GLIS3: variants seen among roughly 807,000 people sequenced by gnomAD.
The protein encoded by GLIS3 is GLIS family zinc finger 3.
Under a neutral mutation model 78.6 loss-of-function variants are expected in GLIS3, and 53 were observed. That is an observed-to-expected ratio of 0.67 (90% CI 0.54 to 0.85). GLIS3 has a LOEUF of 0.85. Among genes scored for constraint, GLIS3 ranks in the 40% least tolerant of loss-of-function variants. The pLI is 0.00. For missense variants in GLIS3, 1,703 were observed against 1,231.1 expected (o/e 1.38, Z -5.74); for synonymous variants, 684 against 509.9 (o/e 1.34, Z -4.60).
chr9:4,224,903 T>C (rs1821638881), intron 2 of GLIS3, among the ~76,000 whole-genome samples: 1 of 152,054 alleles, frequency 6.6e-6, no homozygotes, highest in South Asian at 2.1e-4. Flanking sequence ...GTATACATAA[T>C]TCTATGCCAA....
chr9:3,930,788 CA>C (rs989897002), intron 6 of GLIS3, among the ~76,000 whole-genome samples: 2 of 151,990 alleles, frequency 1.3e-5, no homozygotes, highest in African/African-American at 4.8e-5. Flanking sequence ...AACTTGGAGG[CA>C]AAAAATGATT....
intron 4 of GLIS3, among the ~76,000 whole-genome samples, chr9:4,106,272 C>T (rs1336334442): frequency 6.6e-6 from 1 of 152,162 alleles, no homozygotes; most frequent in African/African-American, 2.4e-5. Flanking sequence ...ACAAAAGCAG[C>T]TTTGTTTCTG....
the GLIS3 span, among the ~76,000 whole-genome samples, chr9:4,459,755 GC>G: frequency 6.6e-6 from 1 of 152,118 alleles, no homozygotes; most frequent in African/African-American, 2.4e-5. Context: ...GCTGCAGTCA[GC>G]CATGTTCACA....
At chr9:4,335,410 A>G (rs550040300) in intron 2 of GLIS3, among the ~76,000 whole-genome samples, 20 of 152,334 alleles carry the variant, frequency 1.3e-4, no homozygotes, top group African/African-American at 4.6e-4. Context: ...TTGCTCGTAA[A>G]CTTGCCAGAT....
At chr9:4,134,096 A>T (rs945717765) in intron 2 of GLIS3, among the ~76,000 whole-genome samples, 4 of 152,108 alleles carry the variant, frequency 2.6e-5, no homozygotes, top group African/African-American at 9.7e-5. Context: ...ACTGAAAGGA[A>T]TTTTTTTTAA....
intron 4 of GLIS3, among the ~76,000 whole-genome samples, chr9:4,058,423 C>A (rs930856931): frequency 2.0e-5 from 3 of 151,206 alleles, no homozygotes; most frequent in Non-Finnish European, 2.9e-5. Flanking sequence ...TTCCAGACTC[C>A]CGAGACATAT....
At chr9:3,866,419 C>T (rs774979676) in intron 8 of GLIS3, among the ~76,000 whole-genome samples, 13 of 152,130 alleles carry the variant, frequency 8.5e-5, no homozygotes, top group Non-Finnish European at 1.6e-4. Context: ...CGAGATCACG[C>T]CACTGCACTC....
intron 7 of GLIS3, among the ~76,000 whole-genome samples, chr9:3,879,985 G>A (rs1821619262): frequency 6.6e-6 from 1 of 152,120 alleles, no homozygotes; most frequent in African/African-American, 2.4e-5. Flanking sequence ...TGACTGAGAA[G>A]GGCACAGCAC....
upstream of GLIS3, among the ~76,000 whole-genome samples, chr9:4,300,530 G>C (rs968538158): frequency 6.6e-6 from 1 of 152,100 alleles, no homozygotes; most frequent in South Asian, 2.1e-4. Context: ...GAAGCACTAA[G>C]GAAGGCTTTG....
At chr9:3,858,082 G>T (rs10814701) in intron 8 of GLIS3, among the ~76,000 whole-genome samples, 2 of 151,926 alleles carry the variant, frequency 1.3e-5, no homozygotes, top group Non-Finnish European at 2.9e-5. Flanking sequence ...GTCATTGCTG[G>T]TGTCCCAGTT....
At chr9:4,427,923 C>T in the GLIS3 span, among the ~76,000 whole-genome samples, 1 of 151,604 alleles carries the variant, frequency 6.6e-6, no homozygotes, top group East Asian at 1.9e-4. Flanking sequence ...TACTAGACTG[C>T]TTCTGACCAC....
intron 2 of GLIS3, among the ~76,000 whole-genome samples, chr9:4,210,954 C>G (rs1563762208): frequency 6.6e-6 from 1 of 152,242 alleles, no homozygotes; most frequent in Non-Finnish European, 1.5e-5. Flanking sequence ...GGGCCATCCT[C>G]TGCGCAGAGT....
the GLIS3 span, among the ~76,000 whole-genome samples, chr9:4,481,738 C>G: frequency 3.9e-5 from 6 of 152,076 alleles, no homozygotes; most frequent in Admixed American, 3.9e-4. Context: ...TTGTGCACAT[C>G]TTTGGGTATT....
chr9:4,329,115 A>C (rs1817646077), intron 2 of GLIS3, among the ~76,000 whole-genome samples: 1 of 152,090 alleles, frequency 6.6e-6, no homozygotes, highest in Non-Finnish European at 1.5e-5. Flanking sequence ...CCACCAATAT[A>C]CTGCCGACTT....
intron 2 of GLIS3, among the ~76,000 whole-genome samples, chr9:4,143,590 A>AC (rs1833980809): frequency 1.3e-5 from 2 of 151,698 alleles, no homozygotes; most frequent in African/African-American, 4.8e-5. Flanking sequence ...AACAAAAAAA[A>AC]ACTACTCTCT....
At chr9:4,306,518 T>G (rs376160505) in intron 4 of GLIS3, among the ~76,000 whole-genome samples, 1 of 152,216 alleles carries the variant, frequency 6.6e-6, no homozygotes, top group Non-Finnish European at 1.5e-5. Context: ...CAGTTACTGG[T>G]TAACAAATGT....
chr9:4,045,555 T>C (rs1241704129), intron 4 of GLIS3, among the ~76,000 whole-genome samples: 3 of 151,678 alleles, frequency 2.0e-5, no homozygotes, highest in African/African-American at 7.3e-5. Flanking sequence ...GCCAGGCTGG[T>C]CTCGAACTCC....
chr9:3,880,294 G>C (rs951056101), intron 7 of GLIS3, among the ~76,000 whole-genome samples: 8 of 152,188 alleles, frequency 5.3e-5, no homozygotes, highest in African/African-American at 1.7e-4. Context: ...CCATTCGTAT[G>C]GGCAGCCTAG....
chr9:4,089,272 C>T (rs1829297030), intron 4 of GLIS3, among the ~76,000 whole-genome samples: 1 of 152,088 alleles, frequency 6.6e-6, no homozygotes, highest in South Asian at 2.1e-4. Flanking sequence ...CTGAAAATTG[C>T]TGTTTAATGT....
Sources: gnomAD v4.1 joint callset for allele counts (sites outside exome capture counted in the v4.1 genomes callset) on GRCh38, gnomAD v4.1.1 for gene constraint, MANE v1.5 for transcripts, NCBI Gene and HGNC (gene_info 2026-07-23, HGNC 2026-07-21) for gene names.